SEL1L: variants seen among roughly 807,000 people sequenced by gnomAD.
The protein encoded by SEL1L is protein sel-1 homolog 1.
A neutral mutation model predicts 109.8 loss-of-function variants in SEL1L; 52 were observed. That is an observed-to-expected ratio of 0.47 (90% CI 0.38 to 0.60). SEL1L has a LOEUF of 0.60. Ranked by LOEUF, SEL1L falls within the 20% of genes least tolerant of loss-of-function variation. The pLI is 0.00. For synonymous variants in SEL1L, 373 were observed against 339.6 expected (o/e 1.10, Z -1.08); for missense variants, 749 against 962.2 (o/e 0.78, Z 2.93).
intron 3 of SEL1L, among the ~76,000 whole-genome samples, chr14:81,519,842 T>C (rs1222089615): frequency 6.6e-6 from 1 of 152,194 alleles, no homozygotes; most frequent in Non-Finnish European, 1.5e-5. Context: ...GGAGAATCTG[T>C]ACAAAGGCCC....
chr14:81,484,050 C>T (rs1004442077), intron 19 of SEL1L, among the ~76,000 whole-genome samples, 175 bp downstream of exon 19: 1 of 152,158 alleles, frequency 6.6e-6, no homozygotes, highest in Non-Finnish European at 1.5e-5. Flanking sequence ...AGTATCTGTG[C>T]GTGCTGGAAG....
chr14:81,512,356 AT>A (rs1294300009), intron 3 of SEL1L, among the ~76,000 whole-genome samples: 1 of 152,156 alleles, frequency 6.6e-6, no homozygotes, highest in Non-Finnish European at 1.5e-5. Flanking sequence ...TCAATAGGAC[AT>A]TTTTTTGCTT....
At position 81,479,624 on chromosome 14, in the gene SEL1L, T is replaced by C. The variant is rs1487005211; in HGVS notation, c.2163A>G (p.Ile721Met). Reference sequence around the variant, plus strand: ...ACGGACCACTTACGTTTGTTTCCCGTATGTACTGCAAGAAATAGACGACGC... The same window carrying C: ...ACGGACCACTTACGTTTGTTTCCCGCATGTACTGCAAGAAATAGACGACGC... The part of the protein sequence containing the change: ...KLGVVYFLQY[I>M]RETNIRDMFT... Residue 721 changes from isoleucine (I) to methionine (M), a missense_variant, in exon 20 of 21, where the codon ATA becomes ATG. Transcript: ENST00000336735. 1 of 1,612,608 alleles carries C rather than the reference T, an allele frequency of 6.2e-7. No individual in the cohort carries two copies. The highest frequency in any genetic ancestry group is 1.3e-5 in the African/African-American group (1 of 74,850).
chr14:81,486,248 C>T (rs1303895552), intron 17 of SEL1L, 41 bp downstream of exon 17: 10 of 1,598,498 alleles, frequency 6.3e-6, no homozygotes, highest in East Asian at 2.2e-5. Flanking sequence ...GGTGTGAACT[C>T]GTACATTCTA....
chr14:81,525,025 G>A (rs890748139), intron 3 of SEL1L, among the ~76,000 whole-genome samples: 3 of 152,176 alleles, frequency 2.0e-5, no homozygotes, highest in African/African-American at 7.2e-5. Context: ...GGTAATAAAG[G>A]AGTAATGGCT....
chr14:81,478,393 G>A (rs530413206), intron 20 of SEL1L, among the ~76,000 whole-genome samples: 3 of 151,896 alleles, frequency 2.0e-5, no homozygotes, highest in South Asian at 2.1e-4. Context: ...ATTATGGGGC[G>A]TTTTTACTGT....
rs1229401019 is a variant in SEL1L, at chr14:81,498,033, G to A, written c.987C>T (p.Ile329=). ...GTACTACTGAGCCTCCTGTTAGCGA[G>A]ATATCACTAGCAACTGAAATAGAGG... ...RLVANHVASD[I]SLTGGSVVQR... The change falls in exon 10 of 21, where the codon ATC becomes ATT. Residue 329 remains isoleucine, a synonymous_variant. Transcript: ENST00000336735. 9.3e-6 allele frequency: 15 copies of A among 1,612,502 alleles called. No individual in the cohort carries two copies. Among genetic ancestry groups the A allele is most frequent in the Non-Finnish European group, 1.2e-5 (14 of 1,179,568 alleles).
chr14:81,498,023 C>G lies in SEL1L; in HGVS notation c.997G>C (p.Gly333Arg). ...NHVASDISLT[G>R]GSVVQRIRLP... is the part of the protein sequence containing the mutation. ...CGTATTCTCTGTACTACTGAGCCTC[C>G]TGTTAGCGAGATATCACTAGCAACT... Residue 333 changes from glycine to arginine, a missense_variant, in exon 10 of 21, where the codon GGA (glycine) becomes CGA (arginine). Coordinates refer to ENST00000336735, the MANE Select transcript of SEL1L (RefSeq NM_005065.6). 1 of 1,612,964 alleles carries G rather than the reference C, an allele frequency of 6.2e-7. No homozygotes were observed. The highest frequency in any genetic ancestry group is 8.5e-7 in the Non-Finnish European group (1 of 1,179,606).
At position 81,499,490 on chromosome 14, in the gene SEL1L, A is replaced by G. The variant is rs1413223738; in HGVS notation, c.860T>C (p.Leu287Pro). The G allele has an allele frequency of 6.2e-7, 1 of 1,612,814 alleles. No individual in the cohort carries two copies. Among genetic ancestry groups the G allele is most frequent in the Admixed American group, 1.7e-5 (1 of 59,786 alleles). ...KALVYYTFGA[L>P]GGNLIAHMVL... ...CATGTGGGCTATTAGATTGCCCCCA[A>G]GAGCTCCAAATGTATAATATACAAG... The change falls in exon 8 of 21, where the codon CTT becomes CCT. Residue 287 changes from leucine (L) to proline (P), a missense_variant. Leu to Pro is a moderately conservative substitution (Grantham distance 98). Transcript: ENST00000336735.
At chr14:81,521,367 C>G (rs923676333) in intron 3 of SEL1L, among the ~76,000 whole-genome samples, 4 of 151,932 alleles carry the variant, frequency 2.6e-5, no homozygotes, top group African/African-American at 9.7e-5. Flanking sequence ...AAAAAAGTTA[C>G]GAAAGATCAC....
intron 19 of SEL1L, among the ~76,000 whole-genome samples, chr14:81,483,017 C>T (rs1310345159): frequency 6.6e-6 from 1 of 152,140 alleles, no homozygotes; most frequent in African/African-American, 2.4e-5. Flanking sequence ...TCTTTGCTTT[C>T]AACACAACTG....
intron 3 of SEL1L, among the ~76,000 whole-genome samples, chr14:81,506,705 CATTTT>C (rs1370402163): frequency 6.6e-6 from 1 of 152,158 alleles, no homozygotes; most frequent in Non-Finnish European, 1.5e-5. Context: ...AATCCTGTGG[CATTTT>C]ATTAGAGTAC....
At chr14:81,516,842 AC>A (rs1047988067) in intron 3 of SEL1L, among the ~76,000 whole-genome samples, 8 of 152,006 alleles carry the variant, frequency 5.3e-5, no homozygotes, top group African/African-American at 1.9e-4. Context: ...GAGGGAGAGG[AC>A]CCTTGGAAGC....
chr14:81,523,092 CTT>C (rs1331305206), intron 3 of SEL1L, among the ~76,000 whole-genome samples: 3 of 152,200 alleles, frequency 2.0e-5, no homozygotes, highest in African/African-American at 7.2e-5. Context: ...CCTGAAATCT[CTT>C]GAGTGATAAG....
Position 81,526,967 on chromosome 14 carries a change from G to C in SEL1L, c.109-3C>G. On this transcript the variant is annotated splice_region_variant and splice_polypyrimidine_tract_variant and intron_variant, in intron 2 of 20. Coordinates refer to ENST00000336735, the MANE Select transcript of SEL1L (RefSeq NM_005065.6). Reference sequence around the variant, plus strand: ...GACTCATCTGATGTCAAAGTAGTCTGAGAATATAAAGTATTTTTAGTTATC... The same window carrying C: ...GACTCATCTGATGTCAAAGTAGTCTCAGAATATAAAGTATTTTTAGTTATC... The C allele has an allele frequency of 6.2e-7, 1 of 1,601,228 alleles. No individual in the cohort carries two copies. The highest frequency in any genetic ancestry group is 8.6e-7 in the Non-Finnish European group (1 of 1,168,948).
intron 15 of SEL1L, 36 bp from the exon 16 acceptor site, chr14:81,487,574 C>T (rs1259463347): frequency 6.3e-7 from 1 of 1,581,654 alleles, no homozygotes; most frequent in South Asian, 1.2e-5. Flanking sequence ...AGATAATAGA[C>T]TTAAGATTTA....
intron 3 of SEL1L, among the ~76,000 whole-genome samples, chr14:81,509,401 G>A (rs1884373231): frequency 6.6e-6 from 1 of 152,110 alleles, no homozygotes; most frequent in African/African-American, 2.4e-5. Context: ...CTGACACCGT[G>A]AAAGGGAAAA....
intron 6 of SEL1L, among the ~76,000 whole-genome samples, chr14:81,500,612 A>G (rs1486844606): frequency 6.6e-6 from 1 of 152,224 alleles, no homozygotes; most frequent in Non-Finnish European, 1.5e-5. Flanking sequence ...AGCTGAATAC[A>G]TGTAAACATG....
chr14:81,481,442 G>A (rs984726502), intron 19 of SEL1L, among the ~76,000 whole-genome samples: 1 of 152,178 alleles, frequency 6.6e-6, no homozygotes, highest in African/African-American at 2.4e-5. Context: ...AGTATGGTTA[G>A]TGTCTGAGTT....
Sources: gnomAD v4.1 joint callset for allele counts (sites outside exome capture counted in the v4.1 genomes callset) on GRCh38, gnomAD v4.1.1 for gene constraint, MANE v1.5 for transcripts, NCBI Gene and HGNC (gene_info 2026-07-23, HGNC 2026-07-21) for gene names.